Variants in SNX19 observed in about 807,000 individuals in gnomAD.
SNX19 encodes the protein sorting nexin-19.
A neutral mutation model predicts 85.2 loss-of-function variants in SNX19; 60 were observed. That is an observed-to-expected ratio of 0.70 (90% CI 0.57 to 0.87). The LOEUF (loss-of-function observed/expected upper bound fraction) is 0.87, where lower values mean the gene tolerates loss of function less well. SNX19 is among the 40% of genes least tolerant of loss of function. SNX19 has a pLI of 0.00. For missense variants in SNX19, 1,201 were observed against 1,217.8 expected, an observed-to-expected ratio of 0.99 and a Z score of 0.21; for synonymous variants, 520 against 470.0, an observed-to-expected ratio of 1.11 and a Z score of -1.38.
chr11:130,905,768 G>T (rs547120212), intron 7 of SNX19, 185 bp downstream of exon 7: 2 of 1,537,300 alleles, frequency 1.3e-6, no homozygotes, highest in Non-Finnish European at 1.7e-6. Flanking sequence ...GCTTGATTCC[G>T]CTGTGGCAAC....
chr11:130,887,644 T>C (rs749169456), intron 8 of SNX19, among the ~76,000 whole-genome samples: 16 of 152,246 alleles, frequency 1.1e-4, no homozygotes, highest in Non-Finnish European at 1.8e-4. Context: ...CTTGTGTTAA[T>C]GAATTCTAGT....
chr11:130,889,514 C>T (rs531910901), intron 8 of SNX19, among the ~76,000 whole-genome samples: 7 of 109,008 alleles, frequency 6.4e-5, no homozygotes, highest in Admixed American at 3.0e-4. Flanking sequence ...CTGAATGAAT[C>T]GATCCTGTTG....
chr11:130,897,883 C>T (rs1029954658), intron 8 of SNX19, among the ~76,000 whole-genome samples: 2 of 152,248 alleles, frequency 1.3e-5, no homozygotes, highest in African/African-American at 4.8e-5. Context: ...CCTTCCCCTC[C>T]CTTTGTCTCT....
rs1382770932 is a variant in SNX19 at position 130,915,339 on chromosome 11, C to G, written c.601G>C (p.Ala201Pro). The G allele has an allele frequency of 1.2e-6, 2 of 1,614,200 alleles. No homozygotes were observed. Among genetic ancestry groups the G allele is most frequent in the Non-Finnish European group, 8.5e-7 (1 of 1,180,030 alleles). Residue 201 changes from alanine to proline, a missense_variant, in exon 1 of 11, where the codon GCT (alanine) becomes CCT (proline). Physicochemically the swap from Ala to Pro is conservative, Grantham distance 27 (BLOSUM62 -1). Around this residue, in one of 3 missense-constraint regions of SNX19, gnomAD observed 791 missense variants for 750.9 expected, o/e 1.05. Transcript: ENST00000265909. ...ACTTCAGCACTGGGGCTGTGCACAGCAGGATGTGGGGCAGTCGCCCGGCAG... is the reference window on the plus strand; with the variant it reads ...ACTTCAGCACTGGGGCTGTGCACAGGAGGATGTGGGGCAGTCGCCCGGCAG... ...AYCRATAPHP[A>P]VHSPSAEVTY...
At chr11:130,890,688 C>T (rs999503841) in intron 8 of SNX19, among the ~76,000 whole-genome samples, 6 of 152,096 alleles carry the variant, frequency 3.9e-5, no homozygotes, top group East Asian at 1.9e-4. Context: ...TCTCACTGTC[C>T]GCTGGCAACG....
Position 130,914,884 on chromosome 11 carries a change from G to A in SNX19, c.1056C>T (p.Asn352=). The A allele has an allele frequency of 2.5e-6, 4 of 1,614,214 alleles. No individual in the cohort carries two copies. Among genetic ancestry groups the A allele is most frequent in the Non-Finnish European group, 3.4e-6 (4 of 1,180,036 alleles). ...GMCEERKVGN[N]SSHFLQPNVR... is the part of the protein sequence containing the mutation. ...CATTTGGCTGTAGGAAATGAGATGA[G>A]TTGTTTCCTACTTTTCTTTCTTCAC... Residue 352 remains asparagine, a synonymous_variant, in exon 1 of 11, where the codon AAC becomes AAT. Transcript: ENST00000265909.
chr11:130,881,298 G>T (rs748241155), intron 8 of SNX19, among the ~76,000 whole-genome samples: 20 of 152,182 alleles, frequency 1.3e-4, no homozygotes, highest in Non-Finnish European at 2.4e-4. Flanking sequence ...TCAACAGCCT[G>T]GGATAACAGA....
Position 130,903,238 on chromosome 11 carries a change from G to A in SNX19, c.2573+17C>T. 1 of 1,613,080 alleles carries A rather than the reference G, an allele frequency of 6.2e-7. No homozygotes were observed. Among genetic ancestry groups the A allele is most frequent in the Non-Finnish European group, 8.5e-7 (1 of 1,179,306 alleles). ...CAACTTGAGATTCTGATGTGAGGGA[G>A]AATTCAGCAGTCTTACCTTTGAACT... On this transcript the variant is annotated intron_variant, in intron 8 of 10. Coordinates refer to ENST00000265909, the MANE Select transcript of SNX19 (RefSeq NM_014758.3).
intron 8 of SNX19, among the ~76,000 whole-genome samples, chr11:130,885,058 C>A (rs1052797881): frequency 6.6e-6 from 1 of 152,088 alleles, no homozygotes; most frequent in Non-Finnish European, 1.5e-5. Context: ...AGAGATATCT[C>A]TTTCTATTAT....
chr11:130,894,325 G>A (rs1263611207), intron 8 of SNX19, among the ~76,000 whole-genome samples: 1 of 152,134 alleles, frequency 6.6e-6, no homozygotes, highest in Non-Finnish European at 1.5e-5. Flanking sequence ...TCCACTCAAA[G>A]GGGCAACTTC....
Position 130,915,193 on chromosome 11 carries a change from T to C in SNX19, c.747A>G (p.Pro249=), listed in dbSNP as rs747046839. The stretch of plus-strand genomic sequence containing the variant: ...CAGGATCTGACAGCCTGCTGATCAG[T>C]GGTAAGATTACATTGCATGTGATGA... The part of the protein sequence containing the change: ...VELITCNVIL[P]LISRLSDPDW... Residue 249 remains proline, a synonymous_variant, in exon 1 of 11, where the codon CCA becomes CCG. Transcript: ENST00000265909. The C allele has an allele frequency of 1.7e-5, 27 of 1,614,056 alleles. No homozygotes were observed. The Admixed American group carries it at 2.5e-4, about 15-fold the overall frequency.
rs1199267808 is a variant in SNX19 at position 130,908,064 on chromosome 11, A to G, written c.2054T>C (p.Val685Ala). The G allele has an allele frequency of 1.2e-6, 2 of 1,613,978 alleles. No individual in the cohort carries two copies. Among genetic ancestry groups the G allele is most frequent in the Non-Finnish European group, 1.7e-6 (2 of 1,180,010 alleles). Residue 685 changes from valine (V) to alanine (A), a missense_variant, in exon 5 of 11, where the codon GTG becomes GCG. Around this residue, in one of 3 missense-constraint regions of SNX19, gnomAD observed 125 missense variants for 171.6 expected, o/e 0.73. Transcript: ENST00000265909. ...RIDKMVVSAI[V>A]DTLKTAFPRS... Reference sequence around the variant, plus strand: ...AGGAAACGCTGTCTTCAAGGTGTCCACAATGGCACTCACCACCATCTGCAG... The same window carrying G: ...AGGAAACGCTGTCTTCAAGGTGTCCGCAATGGCACTCACCACCATCTGCAG...
At chr11:130,906,219 C>A in intron 6 of SNX19, 86 bp from the exon 7 acceptor site, 1 of 1,370,294 alleles carries the variant, frequency 7.3e-7, no homozygotes, top group East Asian at 2.3e-5. Flanking sequence ...TGCCTCTCCC[C>A]TGCATAAGTA....
chr11:130,869,066 A>G lies in SNX19; in HGVS notation c.*9356T>C, dbSNP rs1942905646. The G allele has an allele frequency of 2.0e-5, 3 of 152,348 alleles. No individual in the cohort carries two copies. Among genetic ancestry groups the G allele is most frequent in the Admixed American group, 2.0e-4 (3 of 15,294 alleles). The allele number at this position is 152,348 out of a possible 1,614,324, so 9.4% of individuals were successfully genotyped here. ...ATAGATAAGGTGAAAATTGTCTGCC[A>G]TGGTATATGCTGGAAAAACTCTGGG... On this transcript the variant is annotated 3_prime_UTR_variant, in exon 11 of 11. Coordinates refer to ENST00000265909, the MANE Select transcript of SNX19 (RefSeq NM_014758.3).
chr11:130,912,265 G>A (rs1027130790), intron 1 of SNX19, among the ~76,000 whole-genome samples: 1 of 152,122 alleles, frequency 6.6e-6, no homozygotes, highest in African/African-American at 2.4e-5. Context: ...TTTGTTTCAC[G>A]CAGATTAATT....
At position 130,914,653 on chromosome 11, in the gene SNX19, C is replaced by A. The variant is rs1404246793; in HGVS notation, c.1287G>T (p.Gly429=). ...CCGGCAGGCCTGTCTCTGTTTCTGT[C>A]CCTGGACCCTCCTCAGCCTCTGCTC... ...SEGAEAEEGP[G]TETETGLPVS... Residue 429 remains glycine, a synonymous_variant, in exon 1 of 11, where the codon GGG becomes GGT. Coordinates refer to ENST00000265909, the MANE Select transcript of SNX19 (RefSeq NM_014758.3). 5.0e-6 allele frequency: 8 copies of A among 1,613,910 alleles called. No homozygotes were observed. The highest frequency in any genetic ancestry group is 6.8e-6 in the Non-Finnish European group (8 of 1,179,860).
At position 130,905,972 on chromosome 11, in the gene SNX19, G is replaced by C; in HGVS notation, c.2424C>G (p.Asp808Glu). 1 of 1,614,228 alleles carries C rather than the reference G, an allele frequency of 6.2e-7. No individual in the cohort carries two copies. The highest frequency in any genetic ancestry group is 8.5e-7 in the Non-Finnish European group (1 of 1,180,044). Reference protein sequence around the residue: ...CVSDAAVPAQDPSNSDPGTET... With the variant: ...CVSDAAVPAQEPSNSDPGTET... ...ACTCACCTGGATCGCTGTTGCTGGG[G>C]TCTTGGGCTGGCACGGCTGCATCTG... Residue 808 changes from aspartate to glutamate, a missense_variant, in exon 7 of 11, where the codon GAC (aspartate) becomes GAG (glutamate). This residue lies in a region of SNX19 where 285 missense variants were observed against 295.3 expected (regional missense o/e 0.97). Coordinates refer to ENST00000265909, the MANE Select transcript of SNX19 (RefSeq NM_014758.3).
Position 130,877,842 on chromosome 11 carries a change from T to C in SNX19, c.*580A>G, listed in dbSNP as rs1055639725. 6.6e-6 allele frequency: 1 copy of C among 152,192 alleles called. No individual in the cohort carries two copies. Among genetic ancestry groups the C allele is most frequent in the African/African-American group, 2.4e-5 (1 of 41,092 alleles). The allele number at this position is 152,192 out of a possible 1,614,324, so 9.4% of individuals were successfully genotyped here. On this transcript the variant is annotated 3_prime_UTR_variant, in exon 11 of 11. Transcript: ENST00000265909. ...TGATGTGTTGGGAAACAGCAACACA[T>C]GAGCAAGAAGTTCCTTGAAAAATTT...
chr11:130,893,444 G>C (rs1412861261), intron 8 of SNX19, among the ~76,000 whole-genome samples: 3 of 152,036 alleles, frequency 2.0e-5, no homozygotes, highest in Admixed American at 2.0e-4. Context: ...TAAACAAAGA[G>C]AAAAAACACT....
Sources: gnomAD v4.1 joint callset for allele counts (sites outside exome capture counted in the v4.1 genomes callset) on GRCh38, gnomAD v4.1.1 for gene constraint, gnomAD v4.1.1 regional missense constraint, MANE v1.5 for transcripts, NCBI Gene and HGNC (gene_info 2026-07-23, HGNC 2026-07-21) for gene names.